Variants in PLEKHA5 observed in about 807,000 individuals in gnomAD.
The protein encoded by PLEKHA5 is pleckstrin homology domain containing A5, also known as pleckstrin homology domain-containing family A member 5.
A neutral mutation model predicts 181.9 loss-of-function variants in PLEKHA5; 55 were observed. That is an observed-to-expected ratio of 0.30 (90% CI 0.24 to 0.38). The LOEUF (loss-of-function observed/expected upper bound fraction) is 0.38, where lower values mean the gene tolerates loss of function less well. Ranked by LOEUF, PLEKHA5 falls within the 10% of genes least tolerant of loss-of-function variation. The probability of loss-of-function intolerance (pLI) is 1.00; values close to 1 mark genes in which losing one functional copy is unlikely to be tolerated. For synonymous variants in PLEKHA5, 535 were observed against 529.4 expected (o/e 1.01, Z -0.15); for missense variants, 1,432 against 1,549.5 (o/e 0.92, Z 1.27).
In PLEKHA5 at chr12:19,214,102, G is replaced by C. The variant is rs146531729; in HGVS notation, c.228-39838G>C. On this transcript the variant is annotated intron_variant, in intron 3 of 31. Transcript: ENST00000429027. ...CACTTAAGGATGGAGTGTGTAAAAT[G>C]AAGTAGGTTTGGAGGTAGAACCATA... 3.9e-5 allele frequency among the ~76,000 whole-genome samples: 6 copies of C among 152,294 alleles called. No individual in the cohort carries two copies. In the East Asian group the frequency reaches 1.2e-3, roughly 29 times the overall value.
intron 3 of PLEKHA5, among the ~76,000 whole-genome samples, chr12:19,178,160 A>C (rs1232668738): frequency 6.6e-6 from 1 of 152,176 alleles, no homozygotes; most frequent in Non-Finnish European, 1.5e-5. Flanking sequence ...GTGCTGCCCA[A>C]GTATTGTCAT....
chr12:19,336,430 TA>T, intron 20 of PLEKHA5, 84 bp from the exon 21 acceptor site: 1 of 728,440 alleles, frequency 1.4e-6, no homozygotes, highest in Non-Finnish European at 2.3e-6. Context: ...TATGACTTTC[TA>T]AAATCTAGAA....
intron 11 of PLEKHA5, 126 bp from the exon 12 acceptor site, chr12:19,283,149 CAAAAA>C (rs34391812): frequency 7.8e-4 from 160 of 203,896 alleles, no homozygotes; most frequent in Middle Eastern, 1.7e-3. Flanking sequence ...TCTTGTCTCC[CAAAAA>C]AAAAAAAAAA....
At chr12:19,323,437 A>C (rs1389302948) in intron 20 of PLEKHA5, among the ~76,000 whole-genome samples, 1 of 152,086 alleles carries the variant, frequency 6.6e-6, no homozygotes, top group Admixed American at 6.6e-5. Flanking sequence ...CGGGAGGCAG[A>C]GGTTGCAGTG....
intron 3 of PLEKHA5, among the ~76,000 whole-genome samples, chr12:19,221,814 G>A (rs1239348440): frequency 6.6e-6 from 1 of 152,054 alleles, no homozygotes; most frequent in Admixed American, 6.6e-5. Flanking sequence ...TTTCAGTAAG[G>A]TCATCAAAAA....
At chr12:19,289,465 T>C (rs1173793605) in intron 13 of PLEKHA5, among the ~76,000 whole-genome samples, 3 of 151,726 alleles carry the variant, frequency 2.0e-5, no homozygotes, top group Non-Finnish European at 4.4e-5. Flanking sequence ...GGGAATACTT[T>C]TTAGCCTGGA....
chr12:19,254,993 T>A (rs1045618259), intron 4 of PLEKHA5, 52 bp from the exon 5 acceptor site: 1 of 1,510,416 alleles, frequency 6.6e-7, no homozygotes, highest in East Asian at 2.3e-5. Context: ...AGTGTAATTA[T>A]AAAGCGGGTT....
chr12:19,274,993 T>G lies in PLEKHA5; in HGVS notation c.1313+10T>G. 1 of 1,568,784 alleles carries G rather than the reference T, an allele frequency of 6.4e-7. No individual in the cohort carries two copies. The highest frequency in any genetic ancestry group is 8.7e-7 in the Non-Finnish European group (1 of 1,150,212). ...AAGAAGAAACCAGGGGGTAAGTGTC[T>G]GTCTTGTCATTATGAACCCAGGTTT... On this transcript the variant is annotated intron_variant, in intron 11 of 31. Coordinates refer to ENST00000429027, the MANE Select transcript of PLEKHA5 (RefSeq NM_001256470.2).
At chr12:19,162,049 G>C (rs1222999664) in intron 3 of PLEKHA5, among the ~76,000 whole-genome samples, 5 of 152,116 alleles carry the variant, frequency 3.3e-5, no homozygotes, top group African/African-American at 1.2e-4. Flanking sequence ...AGTGTGGCTT[G>C]TTGCATGCAT....
intron 3 of PLEKHA5, among the ~76,000 whole-genome samples, chr12:19,168,142 G>GT (rs914051109): frequency 1.3e-5 from 2 of 152,120 alleles, no homozygotes; most frequent in African/African-American, 4.8e-5. Context: ...AAAGTCATGG[G>GT]TTTTAAATAG....
At chr12:19,364,907 G>A (rs1160063313) in intron 29 of PLEKHA5, among the ~76,000 whole-genome samples, 1 of 152,026 alleles carries the variant, frequency 6.6e-6, no homozygotes, top group Non-Finnish European at 1.5e-5. Context: ...TCATGATCCT[G>A]CCTTGGCCTC....
intron 3 of PLEKHA5, chr12:19,150,918 C>A (rs1026536032): frequency 6.6e-6 from 1 of 152,094 alleles, no homozygotes; most frequent in Non-Finnish European, 1.5e-5. Flanking sequence ...GGAAGTAGAG[C>A]AAAAAGTGAT....
At chr12:19,354,327 G>C (rs2094796517) in intron 26 of PLEKHA5, among the ~76,000 whole-genome samples, 1 of 147,392 alleles carries the variant, frequency 6.8e-6, no homozygotes, top group Admixed American at 6.8e-5. Flanking sequence ...AATTTTTTTT[G>C]TATTTTTAGT....
At chr12:19,347,650 C>A (rs1379130572) in intron 24 of PLEKHA5, among the ~76,000 whole-genome samples, 1 of 151,746 alleles carries the variant, frequency 6.6e-6, no homozygotes, top group East Asian at 1.9e-4. Context: ...ATGGGAAATA[C>A]GTTTAGGGTT....
chr12:19,253,090 T>TTTTTTG (rs2065840503), intron 3 of PLEKHA5, among the ~76,000 whole-genome samples: 2 of 125,730 alleles, frequency 1.6e-5, no homozygotes, highest in Non-Finnish European at 3.2e-5. Context: ...TTTTTTTTTT[T>TTTTTTG]GGGAGACAGA....
intron 3 of PLEKHA5, among the ~76,000 whole-genome samples, chr12:19,179,174 A>G (rs1203412408): frequency 1.3e-5 from 2 of 152,252 alleles, no homozygotes; most frequent in African/African-American, 2.4e-5. Context: ...TTTATATAAC[A>G]ATTGTTTAAT....
At chr12:19,132,714 G>A (rs568230335) in intron 3 of PLEKHA5, among the ~76,000 whole-genome samples, 2 of 142,466 alleles carry the variant, frequency 1.4e-5, no homozygotes, top group South Asian at 2.2e-4. Context: ...AAATAATTTT[G>A]TATCTTCGTT....
intron 3 of PLEKHA5, chr12:19,200,509 A>C (rs935770834): frequency 1.5e-6 from 2 of 1,361,704 alleles, no homozygotes; most frequent in African/African-American, 1.5e-5. Context: ...AAATGTTCCA[A>C]ATCTTTGATT....
chr12:19,143,653 A>T (rs1241962427), intron 3 of PLEKHA5, among the ~76,000 whole-genome samples: 3 of 152,172 alleles, frequency 2.0e-5, no homozygotes, highest in African/African-American at 4.8e-5. Context: ...TATGCGGCAC[A>T]TATGCATATA....
Sources: allele counts gnomAD v4.1 joint callset (sites outside exome capture counted in the v4.1 genomes callset), GRCh38; gene constraint gnomAD v4.1.1; transcripts MANE v1.5; gene names NCBI Gene and HGNC (gene_info 2026-07-23, HGNC 2026-07-21).